The following KIAA1549L variants were observed in gnomAD, a reference collection of about 807,000 sequenced individuals.
KIAA1549L encodes UPF0606 protein KIAA1549L.
In KIAA1549L, 88 loss-of-function variants were observed where a neutral mutation model predicts 160.7. The ratio of observed to expected loss-of-function variants is 0.55; its 90% confidence interval spans 0.46 to 0.65. The LOEUF is 0.65. Ranked by LOEUF, KIAA1549L falls within the 30% of genes least tolerant of loss-of-function variation. The pLI, the probability that KIAA1549L is intolerant of heterozygous loss-of-function variation, is 0.00. For synonymous variants in KIAA1549L, 950 were observed against 976.7 expected, an observed-to-expected ratio of 0.97 and a Z score of 0.51; for missense variants, 2,258 against 2,437.5, an observed-to-expected ratio of 0.93 and a Z score of 1.55.
At chr11:33,491,655 T>C (rs1225472696) in intron 1 of KIAA1549L, among the ~76,000 whole-genome samples, 1 of 152,234 alleles carries the variant, frequency 6.6e-6, no homozygotes, top group Non-Finnish European at 1.5e-5. Flanking sequence ...TTTTAATTTT[T>C]CTATAGAAGA....
intron 1 of KIAA1549L, among the ~76,000 whole-genome samples, chr11:33,529,029 A>C (rs1368353544): frequency 6.6e-6 from 1 of 152,214 alleles, no homozygotes; most frequent in Non-Finnish European, 1.5e-5. Context: ...AGTTGACCAC[A>C]AAAGTGGGAG....
At chr11:33,472,087 C>T (rs749617309) in intron 1 of KIAA1549L, among the ~76,000 whole-genome samples, 5 of 151,614 alleles carry the variant, frequency 3.3e-5, no homozygotes, top group African/African-American at 7.3e-5. Context: ...CCTGTTGGTG[C>T]CTCTTTCTTC....
intron 1 of KIAA1549L, among the ~76,000 whole-genome samples, chr11:33,491,597 TAAAA>T (rs978327188): frequency 1.1e-4 from 16 of 152,152 alleles, no homozygotes; most frequent in Middle Eastern, 3.4e-3. Context: ...AAGCCCAAGC[TAAAA>T]AAAATAAAAC....
chr11:33,406,290 CG>C (rs1329083513), intron 1 of KIAA1549L, among the ~76,000 whole-genome samples: 3 of 152,172 alleles, frequency 2.0e-5, no homozygotes, highest in Non-Finnish European at 2.9e-5. Flanking sequence ...TGTTAGGAAC[CG>C]AGTGTGGCTT....
chr11:33,573,472 T>C (rs755316904), intron 9 of KIAA1549L, among the ~76,000 whole-genome samples: 1 of 152,202 alleles, frequency 6.6e-6, no homozygotes, highest in Non-Finnish European at 1.5e-5. Flanking sequence ...TTTGTATTCA[T>C]CCATAATGAT....
chr11:33,610,392 G>A (rs902699273), intron 15 of KIAA1549L, among the ~76,000 whole-genome samples: 1 of 152,184 alleles, frequency 6.6e-6, no homozygotes. Context: ...TTACTGCACA[G>A]GTGCTCAGAG....
chr11:33,448,659 C>T (rs894853363), intron 1 of KIAA1549L, among the ~76,000 whole-genome samples: 2 of 152,152 alleles, frequency 1.3e-5, no homozygotes, highest in Admixed American at 6.5e-5. Context: ...TTCCTCAGTG[C>T]GGGAACGCTG....
chr11:33,531,595 A>C (rs1231625325), intron 1 of KIAA1549L, among the ~76,000 whole-genome samples: 1 of 152,224 alleles, frequency 6.6e-6, no homozygotes, highest in Non-Finnish European at 1.5e-5. Context: ...AAGAGCTTTG[A>C]AAGTTAAAAT....
At chr11:33,377,877 C>T (rs1250925251) in intron 1 of KIAA1549L, among the ~76,000 whole-genome samples, 3 of 152,184 alleles carry the variant, frequency 2.0e-5, no homozygotes, top group Non-Finnish European at 2.9e-5. Context: ...AAAAATATTT[C>T]TCGTCTTCAG....
chr11:33,592,269 G>A (rs562079434), intron 12 of KIAA1549L, among the ~76,000 whole-genome samples: 3 of 152,300 alleles, frequency 2.0e-5, no homozygotes, highest in East Asian at 1.9e-4. Flanking sequence ...TCTAGGCAAC[G>A]GGGAGCCACT....
intron 1 of KIAA1549L, among the ~76,000 whole-genome samples, chr11:33,415,500 G>A (rs1329091176): frequency 2.6e-5 from 4 of 152,176 alleles, no homozygotes; most frequent in Admixed American, 2.6e-4. Flanking sequence ...GCCTGAAGTT[G>A]AAAGTGGGGG....
intron 1 of KIAA1549L, among the ~76,000 whole-genome samples, chr11:33,419,422 T>C (rs960330011): frequency 1.3e-5 from 2 of 152,238 alleles, no homozygotes; most frequent in Non-Finnish European, 2.9e-5. Context: ...GTAGGCACAA[T>C]GTATTTCTAT....
At chr11:33,457,729 A>T (rs1392000035) in intron 1 of KIAA1549L, among the ~76,000 whole-genome samples, 1 of 152,186 alleles carries the variant, frequency 6.6e-6, no homozygotes, top group African/African-American at 2.4e-5. Flanking sequence ...GTCAGGGAAG[A>T]CTTCCTCGAG....
chr11:33,656,162 CTATG>C, intron 18 of KIAA1549L, 53 bp downstream of exon 18: 1 of 1,364,606 alleles, frequency 7.3e-7, no homozygotes, highest in Non-Finnish European at 1.0e-6. Context: ...AGGGTCAGTC[CTATG>C]TACCCTGACC....
In KIAA1549L at chr11:33,442,314, G is replaced by A. The variant is rs545110269; in HGVS notation, c.238+65425G>A. 4.2e-3 allele frequency among the ~76,000 whole-genome samples: 635 copies of A among 152,106 alleles called. 1 individual carries two copies. The highest frequency in any genetic ancestry group is 0.015 in the African/African-American group (614 of 41,494). ...TTGGTACCAGTACCATGCTGTTTTGGTTACTGTAGCCTTGTAGTATAGTTT... is the reference window on the plus strand; with the variant it reads ...TTGGTACCAGTACCATGCTGTTTTGATTACTGTAGCCTTGTAGTATAGTTT... On this transcript the variant is annotated intron_variant, in intron 1 of 20. Coordinates refer to ENST00000658780, the MANE Select transcript of KIAA1549L (RefSeq NM_012194.3).
intron 10 of KIAA1549L, among the ~76,000 whole-genome samples, chr11:33,578,803 C>G (rs1345718469): frequency 6.6e-6 from 1 of 152,218 alleles, no homozygotes; most frequent in South Asian, 2.1e-4. Flanking sequence ...AGGCACAGCC[C>G]TCTGTCTCCC....
At chr11:33,539,407 T>C (rs536772370) in intron 1 of KIAA1549L, among the ~76,000 whole-genome samples, 4 of 152,338 alleles carry the variant, frequency 2.6e-5, no homozygotes, top group African/African-American at 9.6e-5. Flanking sequence ...TATCACTTTC[T>C]GAATAGGTTA....
intron 6 of KIAA1549L, among the ~76,000 whole-genome samples, chr11:33,557,371 A>T (rs1406450672): frequency 4.0e-5 from 6 of 151,108 alleles, no homozygotes; most frequent in African/African-American, 1.5e-4. Flanking sequence ...TTTAGTTATT[A>T]TTTTTTTAGG....
At chr11:33,540,559 G>T (rs925471441) in intron 1 of KIAA1549L, among the ~76,000 whole-genome samples, 4 of 152,198 alleles carry the variant, frequency 2.6e-5, no homozygotes, top group African/African-American at 9.7e-5. Context: ...GTGTAAAATT[G>T]CAAGTGTCTG....
Sources: gnomAD v4.1 joint callset for allele counts (sites outside exome capture counted in the v4.1 genomes callset) on GRCh38, gnomAD v4.1.1 for gene constraint, MANE v1.5 for transcripts, NCBI Gene and HGNC (gene_info 2026-07-23, HGNC 2026-07-21) for gene names.